The following LANCL3 variants were observed in gnomAD, a reference collection of about 807,000 sequenced individuals.
LANCL3 encodes lanC-like protein 3.
LANCL3 carries 19 observed loss-of-function variants against 26.5 expected under a neutral mutation model. The ratio of observed to expected loss-of-function variants is 0.72; its 90% CI spans 0.50 to 1.05. The LOEUF (loss-of-function observed/expected upper bound fraction) is 1.05. Ranked by LOEUF, LANCL3 falls within the 50% of genes least tolerant of loss-of-function variation. LANCL3 has a pLI of 0.00. For synonymous variants in LANCL3, 160 were observed against 166.6 expected (o/e 0.96, Z 0.30); for missense variants, 318 against 362.7 (o/e 0.88, Z 1.00).
chrX:37,623,784 A>T (rs1368135766), intron 1 of LANCL3, among the ~76,000 whole-genome samples: 1 of 112,021 alleles, frequency 8.9e-6, no homozygotes, highest in Non-Finnish European at 1.9e-5. Context: ...TCTCATTCCC[A>T]CAAGCAACCA....
intron 4 of LANCL3, chrX:37,668,439 T>G (rs782702569): frequency 2.5e-6 from 1 of 394,462 alleles, no homozygotes; most frequent in South Asian, 6.2e-5. Context: ...TAATAGATAT[T>G]ACCTCTGACT....
In LANCL3 at chrX:37,574,909, G is replaced by A. The variant is rs182178189; in HGVS notation, c.573+2466G>A. On this transcript the variant is annotated intron_variant, in intron 1 of 4. Transcript: ENST00000378619. ...TATAGGTGTGTGTGTGTGTGTGTGT[G>A]TGTATGTATATATATATATATATAA... Among the ~76,000 whole-genome samples the A allele has an allele frequency of 6.3e-3, 669 of 106,462 alleles. 11 individuals carry two copies. The highest frequency in any genetic ancestry group is 0.022 in the African/African-American group (626 of 28,157). 92.4% of individuals were successfully genotyped at this position (106,462 alleles called of 115,157 possible).
At chrX:37,628,739 T>C (rs111381913) in intron 1 of LANCL3, among the ~76,000 whole-genome samples, 1,241 of 108,539 alleles carry the variant, frequency 0.011, 24 homozygotes, top group African/African-American at 0.04. Flanking sequence ...AGAATGACGA[T>C]TTCTAATTTC....
chrX:37,675,134 C>T (rs1556436901), intron 4 of LANCL3, among the ~76,000 whole-genome samples: 1 of 111,758 alleles, frequency 8.9e-6, no homozygotes, highest in Non-Finnish European at 1.9e-5. Context: ...AGGTTGCTGC[C>T]TTTTCCTATT....
chrX:37,652,314 A>G (rs1440786044), intron 1 of LANCL3, among the ~76,000 whole-genome samples: 1 of 110,326 alleles, frequency 9.1e-6, no homozygotes, highest in Non-Finnish European at 1.9e-5. Context: ...AAAGAAAGTC[A>G]TCTCTCCTCT....
intron 1 of LANCL3, among the ~76,000 whole-genome samples, chrX:37,574,019 C>G (rs1923675653): frequency 1.0e-5 from 1 of 97,887 alleles, no homozygotes. Context: ...GCTTTGGCCC[C>G]TGCTCCCAGG....
At chrX:37,633,461 A>G (rs966075525) in intron 1 of LANCL3, among the ~76,000 whole-genome samples, 4 of 111,300 alleles carry the variant, frequency 3.6e-5, no homozygotes, top group Non-Finnish European at 7.5e-5. Context: ...GCTTTGTTCC[A>G]TTGCTGGTGA....
intron 4 of LANCL3, among the ~76,000 whole-genome samples, chrX:37,669,379 C>T (rs897233659): frequency 9.0e-6 from 1 of 110,870 alleles, no homozygotes; most frequent in African/African-American, 3.3e-5. Context: ...CCTACCAAAT[C>T]TCATGTCGAA....
rs782120128 is a variant in LANCL3 at position 37,682,676 on chromosome X, T to A, written c.*6863T>A. The A allele has an allele frequency of 8.9e-6, 1 of 112,642 alleles. No individual in the cohort carries two copies. Among genetic ancestry groups the A allele is most frequent in the Non-Finnish European group, 1.9e-5 (1 of 53,369 alleles). 9.3% of individuals were successfully genotyped at this position (112,642 alleles called of 1,213,427 possible). A position where few individuals can be genotyped will look rare whatever the true frequency, so the allele number is the denominator to read the frequency against. The stretch of plus-strand genomic sequence containing the variant: ...ATATATTCAAACATGTGGATTGATT[T>A]AGATCATCCGTTTTGTCTTTGTTTT... On this transcript the variant is annotated 3_prime_UTR_variant, in exon 5 of 5. Coordinates refer to ENST00000378619, the MANE Select transcript of LANCL3 (RefSeq NM_001170331.2).
intron 1 of LANCL3, among the ~76,000 whole-genome samples, chrX:37,648,379 T>C (rs1926039318): frequency 8.9e-6 from 1 of 112,038 alleles, no homozygotes; most frequent in African/African-American, 3.2e-5. Flanking sequence ...CTGGTGATCT[T>C]TTTAAAATTC....
intron 1 of LANCL3, among the ~76,000 whole-genome samples, chrX:37,584,496 G>A (rs1335887212): frequency 1.8e-5 from 2 of 110,623 alleles, no homozygotes; most frequent in African/African-American, 6.6e-5. Flanking sequence ...CAATTTCAGA[G>A]CCTGTTATTG....
chrX:37,673,527 C>T (rs1429243298), intron 4 of LANCL3, among the ~76,000 whole-genome samples: 2 of 110,545 alleles, frequency 1.8e-5, no homozygotes, highest in Non-Finnish European at 1.9e-5. Context: ...AATTAGCATG[C>T]TGACTTCTAT....
intron 1 of LANCL3, among the ~76,000 whole-genome samples, chrX:37,628,359 A>AG (rs1491107245): frequency 1.1e-4 from 12 of 111,437 alleles, no homozygotes; most frequent in Admixed American, 4.8e-4. Flanking sequence ...TTGTCAAGAA[A>AG]GAGAAAGGCT....
intron 1 of LANCL3, among the ~76,000 whole-genome samples, chrX:37,640,855 G>C (rs1925844856): frequency 9.0e-6 from 1 of 111,157 alleles, no homozygotes; most frequent in South Asian, 3.8e-4. Flanking sequence ...TTCAGCCATA[G>C]AGCCAGCTCC....
intron 1 of LANCL3, 78 bp from the exon 2 acceptor site, chrX:37,655,610 T>C: frequency 1.1e-6 from 1 of 909,671 alleles, no homozygotes; most frequent in South Asian, 2.8e-5. Context: ...GATGCTAGAC[T>C]TCTTAAGCAA....
At chrX:37,642,635 C>T (rs1443262286) in intron 1 of LANCL3, among the ~76,000 whole-genome samples, 2 of 111,725 alleles carry the variant, frequency 1.8e-5, no homozygotes, top group Non-Finnish European at 3.8e-5. Context: ...AAAAGCTTTC[C>T]ATGAAGCTCC....
rs149998652 is a variant in LANCL3 at position 37,667,439 on chromosome X, G to A, written c.1053G>A (p.Leu351=). 2.5e-6 allele frequency: 3 copies of A among 1,198,012 alleles called. No individual in the cohort carries two copies. The highest frequency in any genetic ancestry group is 3.6e-5 in the African/African-American group (2 of 56,008). ...TAGCCGGCAGTGCCTATGTCTTCCT[G>A]CTGCTGTACCGGCTCACGGGAAACT... ...HGVAGSAYVF[L]LLYRLTGNSK... The change falls in exon 4 of 5, where the codon CTG becomes CTA. Residue 351 remains leucine, a synonymous_variant. Coordinates refer to ENST00000378619, the MANE Select transcript of LANCL3 (RefSeq NM_001170331.2).
chrX:37,639,215 GTATA>G (rs1335413662), intron 1 of LANCL3, among the ~76,000 whole-genome samples: 2 of 98,306 alleles, frequency 2.0e-5, no homozygotes, highest in Non-Finnish European at 4.1e-5. Flanking sequence ...ATACATGTAT[GTATA>G]TATATGTATG....
intron 4 of LANCL3, among the ~76,000 whole-genome samples, chrX:37,669,080 TTTTC>T (rs1556435104): frequency 8.9e-6 from 1 of 112,428 alleles, no homozygotes; most frequent in African/African-American, 3.2e-5. Context: ...AATTCCAGAC[TTTTC>T]TTTATGTGTA....
Sources: gnomAD v4.1 joint callset for allele counts (sites outside exome capture counted in the v4.1 genomes callset) on GRCh38, gnomAD v4.1.1 for gene constraint, MANE v1.5 for transcripts, NCBI Gene and HGNC (gene_info 2026-07-23, HGNC 2026-07-21) for gene names.